The following VHL variants were observed in gnomAD, a reference collection of about 807,000 sequenced individuals.
The protein encoded by VHL is von Hippel-Lindau tumor suppressor, also known as von Hippel-Lindau disease tumor suppressor.
In VHL, 10 loss-of-function variants were observed where a neutral mutation model predicts 19.2. The ratio of observed to expected loss-of-function variants is 0.52; its 90% CI spans 0.32 to 0.89. VHL has a LOEUF of 0.89. Ranked by LOEUF, VHL falls within the 40% of genes least tolerant of loss-of-function variation. The pLI, the probability that VHL is intolerant of heterozygous loss-of-function variation, is 0.03. For missense variants in VHL, 328 were observed against 292.7 expected (o/e 1.12, Z -0.88); for synonymous variants, 167 against 129.5 (o/e 1.29, Z -1.97).
intron 1 of VHL, among the ~76,000 whole-genome samples, chr3:10,143,672 C>G (rs1696183561): frequency 6.6e-6 from 1 of 152,192 alleles, no homozygotes; most frequent in Non-Finnish European, 1.5e-5. Context: ...TGGTCTCCAT[C>G]TCCTGCGCTC....
chr3:10,153,019 G>T lies in VHL; in HGVS notation c.*3054G>T, dbSNP rs1293920489. Among the ~76,000 whole-genome samples the T allele has an allele frequency of 6.6e-6, 1 of 151,940 alleles. No individual in the cohort carries two copies. The highest frequency in any genetic ancestry group is 6.6e-5 in the Admixed American group (1 of 15,254). ...TTGCCGGCCGCGGCGGCTCATGCCT[G>T]TAATCCCAGCACTTTGGGAGGCCTA... On this transcript the variant is annotated 3_prime_UTR_variant, in exon 3 of 3. Coordinates refer to ENST00000256474, the MANE Select transcript of VHL (RefSeq NM_000551.4).
intron 2 of VHL, among the ~76,000 whole-genome samples, chr3:10,147,311 A>T (rs995247557): frequency 6.9e-6 from 1 of 145,932 alleles, no homozygotes; most frequent in Non-Finnish European, 1.5e-5. Flanking sequence ...CACCTGGCCT[A>T]TGTATTTTCA....
At position 10,142,193 on chromosome 3, in the gene VHL, G is replaced by C. The variant is rs1278726013; in HGVS notation, c.340+6G>C. On this transcript the variant is annotated splice_donor_region_variant and intron_variant, in intron 1 of 2. Transcript: ENST00000256474. ...CCGCATCCACAGCTACCGAGGTACG[G>C]GCCCGGCGCTTAGGCCCGACCCAGC... 1 of 1,597,040 alleles carries C rather than the reference G, an allele frequency of 6.3e-7. No homozygotes were observed. The highest frequency in any genetic ancestry group is 1.7e-5 in the Admixed American group (1 of 59,812).
chr3:10,150,113 C>T lies in VHL; in HGVS notation c.*148C>T. ...GCACCATTGCTTAAAAGAAAGTTAA[C>T]TGACTTCACTAGGCATTGTGATGTT... On this transcript the variant is annotated 3_prime_UTR_variant, in exon 3 of 3. Transcript: ENST00000256474. The T allele has an allele frequency of 2.0e-6, 3 of 1,521,588 alleles. No individual in the cohort carries two copies. Among genetic ancestry groups the T allele is most frequent in the Non-Finnish European group, 2.6e-6 (3 of 1,135,110 alleles). The allele number at this position is 1,521,588 out of a possible 1,614,324, so 94.3% of individuals were successfully genotyped here. A position where few individuals can be genotyped will look rare whatever the true frequency, so the allele number is the denominator to read the frequency against.
rs1265675243 is a variant in VHL, at chr3:10,147,682, A to T, written c.463+1046A>T. ...GTCCAGCCTGTTTTTTTTTTTTTTTAAATCATTGAAGATTGGTATAATACT... is the reference window on the plus strand; with the variant it reads ...GTCCAGCCTGTTTTTTTTTTTTTTTTAATCATTGAAGATTGGTATAATACT... On this transcript the variant is annotated intron_variant, in intron 2 of 2. Transcript: ENST00000256474. Among the ~76,000 whole-genome samples the T allele has an allele frequency of 4.1e-3, 605 of 147,706 alleles. 5 individuals carry two copies. The highest frequency in any genetic ancestry group is 0.014 in the African/African-American group (564 of 40,238).
intron 2 of VHL, among the ~76,000 whole-genome samples, chr3:10,148,178 T>C (rs1696310451): frequency 6.6e-6 from 1 of 152,018 alleles, no homozygotes; most frequent in Non-Finnish European, 1.5e-5. Flanking sequence ...ATAGATCCTG[T>C]TTTAAGGAAG....
rs1696108470 is a variant in VHL, at chr3:10,141,788, C to G, written c.-60C>G. 1 of 1,526,394 alleles carries G rather than the reference C, an allele frequency of 6.6e-7. No individual in the cohort carries two copies. 94.6% of individuals were successfully genotyped at this position (1,526,394 alleles called of 1,614,324 possible). On this transcript the variant is annotated 5_prime_UTR_variant, in exon 1 of 3. Transcript: ENST00000256474. ...CTCGGGAGCGCGCACGCAGCTCCGC[C>G]CCGCGTCCGACCCGCGGATCCCGCG...
At chr3:10,143,317 G>A (rs1278551364) in intron 1 of VHL, among the ~76,000 whole-genome samples, 8 of 151,766 alleles carry the variant, frequency 5.3e-5, no homozygotes, top group Non-Finnish European at 1.0e-4. Flanking sequence ...TAGTAGAGAC[G>A]GGGGTTTCGT....
chr3:10,148,416 G>A (rs189742164), intron 2 of VHL, among the ~76,000 whole-genome samples: 10,563 of 145,376 alleles, frequency 0.073, 1,004 homozygotes, highest in African/African-American at 0.21. Flanking sequence ...CCGGGTTCAC[G>A]CCATTCTCCT....
At chr3:10,146,805 C>T (rs555191817) in intron 2 of VHL, among the ~76,000 whole-genome samples, 169 bp downstream of exon 2, 4 of 149,500 alleles carry the variant, frequency 2.7e-5, no homozygotes, top group Non-Finnish European at 4.4e-5. Context: ...TGTATTTGTA[C>T]GTTATGTGTT....
Position 10,141,790 on chromosome 3 carries a change from CGCGTCCGACCCGCGGATCCCGCG to C in VHL, c.-50_-28del. 5.2e-6 allele frequency: 8 copies of C among 1,528,148 alleles called. No homozygotes were observed. Among genetic ancestry groups the C allele is most frequent in the South Asian group, 1.2e-5 (1 of 83,054 alleles). The allele number at this position is 1,528,148 out of a possible 1,614,324, so 94.7% of individuals were successfully genotyped here. A position where few individuals can be genotyped will look rare whatever the true frequency, so the allele number is the denominator to read the frequency against. On this transcript the variant is annotated 5_prime_UTR_variant, in exon 1 of 3. Coordinates refer to ENST00000256474, the MANE Select transcript of VHL (RefSeq NM_000551.4). ...CGGGAGCGCGCACGCAGCTCCGCCCCGCGTCCGACCCGCGGATCCCGCGGCGTCCGGCCCGGGTGGTCTGGATC... is the reference window on the plus strand; with the variant it reads ...CGGGAGCGCGCACGCAGCTCCGCCCCGCGTCCGGCCCGGGTGGTCTGGATC...
chr3:10,142,150 G>T lies in VHL; in HGVS notation c.303G>T (p.Leu101=). ...FDGEPQPYPT[L]PPGTGRRIHS... ...GCGAGCCGCAGCCCTACCCAACGCT[G>T]CCGCCTGGCACGGGCCGCCGCATCC... Residue 101 remains leucine, a synonymous_variant, in exon 1 of 3, where the codon CTG becomes CTT. Transcript: ENST00000256474. 6.3e-7 allele frequency: 1 copy of T among 1,599,278 alleles called. No individual in the cohort carries two copies.
chr3:10,151,063 A>C lies in VHL; in HGVS notation c.*1098A>C. The C allele has an allele frequency of 5.3e-6, 1 of 188,444 alleles. No homozygotes were observed. Among genetic ancestry groups the C allele is most frequent in the Non-Finnish European group, 1.1e-5 (1 of 89,628 alleles). The allele number at this position is 188,444 out of a possible 1,614,324, so 11.7% of individuals were successfully genotyped here. On this transcript the variant is annotated 3_prime_UTR_variant, in exon 3 of 3. Coordinates refer to ENST00000256474, the MANE Select transcript of VHL (RefSeq NM_000551.4). ...GCTGGCCAATTTTTGTACTTTTAGT[A>C]GAGACAGTGTTTCGTCATGTTGGCC...
At chr3:10,145,481 G>A (rs147492685) in intron 1 of VHL, among the ~76,000 whole-genome samples, 21 of 151,988 alleles carry the variant, frequency 1.4e-4, no homozygotes, top group African/African-American at 4.3e-4. Context: ...CGAGGCGGGC[G>A]GATCATAAGA....
rs377617872 is a variant in VHL at position 10,148,214 on chromosome 3, A to G, written c.464-1573A>G. On this transcript the variant is annotated intron_variant, in intron 2 of 2. Coordinates refer to ENST00000256474, the MANE Select transcript of VHL (RefSeq NM_000551.4). ...TAGATATATAAAAATGAGCATTGCT[A>G]AGTTAAATTTGGTAAATTTGCCTTA... Among the ~76,000 whole-genome samples the G allele has an allele frequency of 6.6e-5, 10 of 150,484 alleles. 1 individual carries two copies. The East Asian group carries it at 9.6e-4, about 14-fold the overall frequency.
At chr3:10,143,315 A>C (rs1338269604) in intron 1 of VHL, among the ~76,000 whole-genome samples, 1 of 151,290 alleles carries the variant, frequency 6.6e-6, no homozygotes. Flanking sequence ...TTTAGTAGAG[A>C]CGGGGGTTTC....
intron 1 of VHL, 103 bp downstream of exon 1, chr3:10,142,290 C>T (rs1260541224): frequency 1.9e-5 from 26 of 1,335,702 alleles, no homozygotes; most frequent in African/African-American, 1.3e-4. Flanking sequence ...ACTGAGGCCC[C>T]TTGAGGCAGG....
intron 2 of VHL, 132 bp downstream of exon 2, chr3:10,146,768 T>C: frequency 8.6e-7 from 1 of 1,168,724 alleles, no homozygotes. Flanking sequence ...TGTATCCTAT[T>C]CTCTACCATA....
rs372680126 is a variant in VHL, at chr3:10,145,087, G to T, written c.341-1427G>T. 7.2e-5 allele frequency among the ~76,000 whole-genome samples: 11 copies of T among 152,200 alleles called. 1 individual carries two copies. The East Asian group carries it at 9.7e-4, about 13-fold the overall frequency. On this transcript the variant is annotated intron_variant, in intron 1 of 2. Transcript: ENST00000256474. The stretch of plus-strand genomic sequence containing the variant: ...TGCGCCTGTTTAGTCCCAGCTACTC[G>T]GGAGGCTGAGGCAGGAGAATTGCTT...
Sources: allele counts gnomAD v4.1 joint callset (sites outside exome capture counted in the v4.1 genomes callset), GRCh38; gene constraint gnomAD v4.1.1; transcripts MANE v1.5; gene names NCBI Gene and HGNC (gene_info 2026-07-23, HGNC 2026-07-21).